Variants in SDK1 observed in about 807,000 individuals in gnomAD.
SDK1 encodes the protein sidekick cell adhesion molecule 1, also known as protein sidekick-1.
A neutral mutation model predicts 245.5 loss-of-function variants in SDK1; 157 were observed. The observed-to-expected ratio is 0.64, with a 90% CI of 0.56 to 0.73. SDK1 has a LOEUF of 0.73. Among genes scored for constraint, SDK1 ranks in the 30% least tolerant of loss-of-function variants. The pLI, the probability that SDK1 is intolerant of heterozygous loss-of-function variation, is 0.00. For synonymous variants in SDK1, 1,647 were observed against 1,278.5 expected, an observed-to-expected ratio of 1.29 and a Z score of -6.15; for missense variants, 3,583 against 3,002.3, an observed-to-expected ratio of 1.19 and a Z score of -4.52.
At chr7:3,828,670 T>G (rs1193475979) in intron 5 of SDK1, among the ~76,000 whole-genome samples, 1 of 148,908 alleles carries the variant, frequency 6.7e-6, no homozygotes, top group Non-Finnish European at 1.5e-5. Flanking sequence ...TTTTTTGTTT[T>G]TTTGACACAA....
At chr7:3,900,781 G>T (rs202040567) in intron 5 of SDK1, among the ~76,000 whole-genome samples, 1 of 151,350 alleles carries the variant, frequency 6.6e-6, no homozygotes, top group Admixed American at 6.6e-5. Context: ...TCACACACTC[G>T]TTTTAGACTG....
At chr7:3,604,802 A>G (rs563162681) in intron 1 of SDK1, among the ~76,000 whole-genome samples, 2 of 151,798 alleles carry the variant, frequency 1.3e-5, no homozygotes, top group South Asian at 2.1e-4. Flanking sequence ...GGGTTTCTCC[A>G]TGTTGGTCAG....
chr7:3,674,140 A>G (rs1181307952), intron 4 of SDK1, among the ~76,000 whole-genome samples: 1 of 152,328 alleles, frequency 6.6e-6, no homozygotes, highest in South Asian at 2.1e-4. Flanking sequence ...CAATGTGTAT[A>G]CTGAAATTGT....
chr7:3,872,904 A>C (rs1186815262), intron 5 of SDK1, among the ~76,000 whole-genome samples: 1 of 152,082 alleles, frequency 6.6e-6, no homozygotes, highest in Non-Finnish European at 1.5e-5. Flanking sequence ...TATTATTGTC[A>C]TACATTTTAC....
intron 1 of SDK1, among the ~76,000 whole-genome samples, chr7:3,339,241 C>T (rs1780281778): frequency 6.6e-6 from 1 of 151,952 alleles, no homozygotes; most frequent in African/African-American, 2.4e-5. Flanking sequence ...CATGATGATC[C>T]TAAATATGTA....
chr7:3,533,640 G>C (rs1038275521), intron 1 of SDK1, among the ~76,000 whole-genome samples: 3 of 151,726 alleles, frequency 2.0e-5, no homozygotes, highest in Non-Finnish European at 4.4e-5. Context: ...AAGTTTTTTT[G>C]GTATTATTTC....
At position 4,228,401 on chromosome 7, in the gene SDK1, G is replaced by A. The variant is rs1205081517; in HGVS notation, c.5828-4854G>A. Among the ~76,000 whole-genome samples the A allele has an allele frequency of 2.0e-5, 3 of 152,214 alleles. No homozygotes were observed. The East Asian group carries it at 5.8e-4, about 29-fold the overall frequency. ...CATGAAGTGGCAGGTCCAGCCCAGA[G>A]GTGGACATTACCCACAGGAAGTTCA... is the stretch of plus-strand genomic sequence containing the variant. On this transcript the variant is annotated intron_variant, in intron 40 of 44. Coordinates refer to ENST00000404826, the MANE Select transcript of SDK1 (RefSeq NM_152744.4).
intron 1 of SDK1, among the ~76,000 whole-genome samples, chr7:3,316,633 C>T (rs1218384083): frequency 1.3e-5 from 2 of 152,152 alleles, no homozygotes; most frequent in African/African-American, 4.8e-5. Flanking sequence ...AAATGTGCCA[C>T]TTTCTGAGAA....
At chr7:4,095,265 TC>T (rs1259326146) in intron 22 of SDK1, among the ~76,000 whole-genome samples, 12 of 130,686 alleles carry the variant, frequency 9.2e-5, no homozygotes, top group Non-Finnish European at 1.3e-4. Context: ...CTTCCTCAGC[TC>T]CCCCATATCT....
intron 1 of SDK1, among the ~76,000 whole-genome samples, chr7:3,406,738 A>G (rs1229773320): frequency 6.6e-6 from 1 of 152,160 alleles, no homozygotes; most frequent in Non-Finnish European, 1.5e-5. Context: ...TGAATGCTGG[A>G]GAAAGCATGC....
At chr7:3,304,816 T>C (rs1035657343) in intron 1 of SDK1, among the ~76,000 whole-genome samples, 1 of 152,218 alleles carries the variant, frequency 6.6e-6, no homozygotes, top group African/African-American at 2.4e-5. Context: ...CAAACTTGGT[T>C]GCACATTGGA....
intron 17 of SDK1, among the ~76,000 whole-genome samples, chr7:4,028,660 C>T (rs915664102): frequency 6.6e-6 from 1 of 152,220 alleles, no homozygotes; most frequent in African/African-American, 2.4e-5. Context: ...ACATTTCCAC[C>T]TCTAGCTCTC....
rs536936378 is a variant in SDK1, at chr7:3,388,794, T to TCAA, written c.298+86912_298+86914dup. Among the ~76,000 whole-genome samples the TCAA allele has an allele frequency of 2.9e-3, 448 of 152,308 alleles. 3 individuals carry two copies. The highest frequency in any genetic ancestry group is 5.4e-3 in the Non-Finnish European group (369 of 68,028). ...TAAATGAGATTTCTGTCACACTAAG[T>TCAA]CAACGTGTGTTTATCGAGTACCTAC... On this transcript the variant is annotated intron_variant, in intron 1 of 44. Transcript: ENST00000404826.
intron 5 of SDK1, among the ~76,000 whole-genome samples, chr7:3,921,846 G>A (rs977883238): frequency 2.6e-5 from 4 of 151,922 alleles, no homozygotes; most frequent in African/African-American, 4.8e-5. Flanking sequence ...CGTGCCTGTG[G>A]TCCCAGCTTC....
At chr7:3,720,802 T>G (rs1198462478) in intron 4 of SDK1, among the ~76,000 whole-genome samples, 1 of 152,224 alleles carries the variant, frequency 6.6e-6, no homozygotes, top group East Asian at 1.9e-4. Flanking sequence ...CATGAGTGTT[T>G]CTAGCACCAT....
chr7:4,042,641 T>TTCAC (rs1788716266), intron 17 of SDK1, among the ~76,000 whole-genome samples: 1 of 91,826 alleles, frequency 1.1e-5, no homozygotes, highest in Non-Finnish European at 2.0e-5. Flanking sequence ...GGAGGAAGTG[T>TTCAC]CCCTTGAGGC....
In SDK1 at chr7:3,642,039, C is replaced by T; in HGVS notation, c.647C>T (p.Thr216Ile). 1.9e-6 allele frequency: 3 copies of T among 1,614,050 alleles called. No homozygotes were observed. The highest frequency in any genetic ancestry group is 1.3e-5 in the African/African-American group (1 of 75,040). ...RAAILNLLPI[T>I]SYPRPQVTWF... ...GCGATTCTAAACCTGCTGCCCATCA[C>T]CAGCTACCCCAGACCTCAAGTGACT... Residue 216 changes from threonine (T) to isoleucine (I), a missense_variant, in exon 4 of 45, where the codon ACC becomes ATC. Thr to Ile is a moderately conservative substitution (Grantham distance 89). Transcript: ENST00000404826.
chr7:3,915,610 C>T (rs560072319), intron 5 of SDK1, among the ~76,000 whole-genome samples: 2 of 152,286 alleles, frequency 1.3e-5, no homozygotes, highest in South Asian at 4.1e-4. Context: ...ACTGCGAGTC[C>T]ATTAAGCCTC....
intron 5 of SDK1, among the ~76,000 whole-genome samples, chr7:3,878,075 T>C (rs1264001135): frequency 2.0e-5 from 3 of 152,242 alleles, no homozygotes; most frequent in Admixed American, 6.5e-5. Context: ...TTAAAGCATA[T>C]GTAATGTCCC....
Sources: gnomAD v4.1 joint callset for allele counts (sites outside exome capture counted in the v4.1 genomes callset) on GRCh38, gnomAD v4.1.1 for gene constraint, MANE v1.5 for transcripts, NCBI Gene and HGNC (gene_info 2026-07-23, HGNC 2026-07-21) for gene names.